The following YIPF5 variants were observed in gnomAD, a reference collection of about 807,000 sequenced individuals.
The protein encoded by YIPF5 is Yip1 domain family member 5, also known as protein YIPF5.
Under a neutral mutation model 30.4 loss-of-function variants are expected in YIPF5, and 8 were observed. That is an observed-to-expected ratio of 0.26 (90% CI 0.15 to 0.47). YIPF5 has a LOEUF of 0.47. Among genes scored for constraint, YIPF5 ranks in the 20% least tolerant of loss-of-function variants. The probability of loss-of-function intolerance (pLI) is 0.99; values close to 1 mark genes in which losing one functional copy is unlikely to be tolerated. For synonymous variants in YIPF5, 104 were observed against 107.9 expected, an observed-to-expected ratio of 0.96 and a Z score of 0.23; for missense variants, 282 against 301.8, an observed-to-expected ratio of 0.93 and a Z score of 0.49.
Position 144,158,706 on chromosome 5 carries a change from T to A in YIPF5, c.*1691A>T. ...TCAAATTACCTTCCAAATTGCTTTT[T>A]TAAAGCAATTTGGTAAGTTTGAAAA... is the stretch of plus-strand genomic sequence containing the variant. On this transcript the variant is annotated 3_prime_UTR_variant, in exon 6 of 6. Transcript: ENST00000274496. 2 of 1,017,176 alleles carry A rather than the reference T, an allele frequency of 2.0e-6. No individual in the cohort carries two copies. The highest frequency in any genetic ancestry group is 7.6e-5 in the South Asian group (2 of 26,292). The allele number at this position is 1,017,176 out of a possible 1,614,324, so 63.0% of individuals were successfully genotyped here.
In YIPF5 at chr5:144,162,370, G is replaced by A. The variant is rs149656651; in HGVS notation, c.459C>T (p.Tyr153=). 63 of 1,612,672 alleles carry A rather than the reference G, an allele frequency of 3.9e-5. No homozygotes were observed. The highest frequency in any genetic ancestry group is 5.0e-5 in the Admixed American group (3 of 59,842). The change falls in exon 5 of 6, where the codon TAC becomes TAT. Residue 153 remains tyrosine, a synonymous_variant. Coordinates refer to ENST00000274496, the MANE Select transcript of YIPF5 (RefSeq NM_030799.9). ...CTAGACATCCAATTGCACTGATCCC[G>A]TATACATAGCCAAACTGGATTTTGC... ...LAGKIQFGYV[Y]GISAIGCLGM...
intron 5 of YIPF5, among the ~76,000 whole-genome samples, chr5:144,161,516 T>C (rs1156896528): frequency 6.6e-6 from 1 of 151,988 alleles, no homozygotes; most frequent in African/African-American, 2.4e-5. Context: ...CCGGCTAATT[T>C]TGTATTTTTA....
In YIPF5 at chr5:144,159,818, T is replaced by A; in HGVS notation, c.*579A>T. 5.4e-6 allele frequency: 3 copies of A among 554,352 alleles called. No homozygotes were observed. Among genetic ancestry groups the A allele is most frequent in the African/African-American group, 2.1e-5 (1 of 47,308 alleles). 34.3% of individuals were successfully genotyped at this position (554,352 alleles called of 1,614,324 possible). On this transcript the variant is annotated 3_prime_UTR_variant, in exon 6 of 6. Transcript: ENST00000274496. ...CCGCCTCCTGGGTTCACACTTCTCC[T>A]GCCTCAGCCTCCTGAGTAGCTGGGA...
In YIPF5 at chr5:144,164,207, T is replaced by C; in HGVS notation, c.333A>G (p.Leu111=). 1 of 1,613,186 alleles carries C rather than the reference T, an allele frequency of 6.2e-7. No homozygotes were observed. Among genetic ancestry groups the C allele is most frequent in the Non-Finnish European group, 8.5e-7 (1 of 1,179,540 alleles). Residue 111 remains leucine, a synonymous_variant, in exon 4 of 6, where the codon TTA becomes TTG. Transcript: ENST00000274496. ...DHIWQKTLTV[L]HPLKVADGSI... is the part of the protein sequence containing the mutation. ...TGCCATCTGCTACTTTTAACGGATG[T>C]AATACTGTTAGTGTTTTTTGCCAGA...
At chr5:144,165,841 C>A (rs1355190121) in intron 2 of YIPF5, among the ~76,000 whole-genome samples, 1 of 152,066 alleles carries the variant, frequency 6.6e-6, no homozygotes, top group African/African-American at 2.4e-5. Context: ...TACCAATATT[C>A]ACTTACATAG....
chr5:144,161,038 T>G (rs545147075), intron 5 of YIPF5, among the ~76,000 whole-genome samples: 22 of 152,336 alleles, frequency 1.4e-4, no homozygotes, highest in African/African-American at 5.1e-4. Context: ...AAAATTCAAA[T>G]ATGAATATAT....
chr5:144,162,884 G>T (rs1425564210), intron 4 of YIPF5, among the ~76,000 whole-genome samples: 1 of 152,136 alleles, frequency 6.6e-6, no homozygotes, highest in Non-Finnish European at 1.5e-5. Flanking sequence ...CTTTATATGG[G>T]TGCTAGAGGA....
chr5:144,161,889 G>A (rs1580754637), intron 5 of YIPF5, among the ~76,000 whole-genome samples: 1 of 152,194 alleles, frequency 6.6e-6, no homozygotes, highest in Admixed American at 6.5e-5. Context: ...ATCAAAGAGG[G>A]TAAGCATAAT....
At chr5:144,160,593 A>G in intron 5 of YIPF5, 34 bp from the exon 6 acceptor site, 1 of 1,560,330 alleles carries the variant, frequency 6.4e-7, no homozygotes, top group Non-Finnish European at 8.7e-7. Flanking sequence ...GGGAGAAGAA[A>G]AAAAAGCAGA....
At position 144,169,907 on chromosome 5, in the gene YIPF5, T is replaced by A. The variant is rs1024120727; in HGVS notation, c.49A>T (p.Ser17Cys). ...LNTDFYQTSY[S>C]IDDQSQQSYD... ...GACTGCTGTGACTGATCATCGATGCTGTAACTTGTCTGGTAGAAATCCGTG... is the reference window on the plus strand; with the variant it reads ...GACTGCTGTGACTGATCATCGATGCAGTAACTTGTCTGGTAGAAATCCGTG... Residue 17 changes from serine to cysteine, a missense_variant, in exon 2 of 6, where the codon AGC becomes TGC. Coordinates refer to ENST00000274496, the MANE Select transcript of YIPF5 (RefSeq NM_030799.9). 6.2e-7 allele frequency: 1 copy of A among 1,614,246 alleles called. No individual in the cohort carries two copies. The highest frequency in any genetic ancestry group is 8.5e-7 in the Non-Finnish European group (1 of 1,180,048).
At chr5:144,163,632 A>G (rs1301447253) in intron 4 of YIPF5, among the ~76,000 whole-genome samples, 1 of 152,172 alleles carries the variant, frequency 6.6e-6, no homozygotes, top group Non-Finnish European at 1.5e-5. Flanking sequence ...TATCTTTACA[A>G]CTTTTCTGTT....
chr5:144,170,634 T>A lies in YIPF5; in HGVS notation c.-110A>T, dbSNP rs1186032777. ...ACCCTGAACCAGCCCCGTTGCTACG[T>A]GTCACAGGGCCAAAGAACGGCTTCC... On this transcript the variant is annotated 5_prime_UTR_variant, in exon 1 of 6. Transcript: ENST00000274496. The A allele has an allele frequency of 6.6e-6, 1 of 152,356 alleles. No homozygotes were observed. Among genetic ancestry groups the A allele is most frequent in the Non-Finnish European group, 1.5e-5 (1 of 68,154 alleles). 9.4% of individuals were successfully genotyped at this position (152,356 alleles called of 1,614,324 possible). A position where few individuals can be genotyped will look rare whatever the true frequency, so the allele number is the denominator to read the frequency against.
Position 144,160,528 on chromosome 5 carries a change from TC to T in YIPF5, c.642del (p.Ile215LeufsTer17). ...GCAGAAAAACTACACCATCCAATAA[TC>T]CCAGCAGTGAGAATGATTCCTACCA... ...QGMVGIILTA[G>X]IIGWCSFSAS... is the part of the protein sequence containing the mutation. On this transcript the variant is annotated frameshift_variant, in exon 6 of 6. Coordinates refer to ENST00000274496, the MANE Select transcript of YIPF5 (RefSeq NM_030799.9). LOFTEE classifies it high-confidence loss of function. The T allele has an allele frequency of 1.2e-6, 2 of 1,613,536 alleles. No individual in the cohort carries two copies. Among genetic ancestry groups the T allele is most frequent in the Non-Finnish European group, 1.7e-6 (2 of 1,179,896 alleles).
intron 5 of YIPF5, among the ~76,000 whole-genome samples, chr5:144,160,833 C>T (rs1752017742): frequency 1.3e-5 from 2 of 152,082 alleles, no homozygotes; most frequent in Admixed American, 1.3e-4. Context: ...CTTGGCACTA[C>T]TGACATTTGG....
chr5:144,160,375 T>A lies in YIPF5; in HGVS notation c.*22A>T. ...CCTTTTTGTACATCTGGCCCACTGA[T>A]GTCCACATCCCAGATAAATTTTCAA... On this transcript the variant is annotated 3_prime_UTR_variant, in exon 6 of 6. Transcript: ENST00000274496. 6.2e-7 allele frequency: 1 copy of A among 1,605,060 alleles called. No homozygotes were observed. Among genetic ancestry groups the A allele is most frequent in the Non-Finnish European group, 8.5e-7 (1 of 1,173,966 alleles).
chr5:144,160,311 G>A lies in YIPF5; in HGVS notation c.*86C>T, dbSNP rs1368986407. Reference sequence around the variant, plus strand: ...AAATGTAAATCTGCATGAGAGTTGCGCTGCAGCAGTTTGCTGGTCCAATTT... The same window carrying A: ...AAATGTAAATCTGCATGAGAGTTGCACTGCAGCAGTTTGCTGGTCCAATTT... On this transcript the variant is annotated 3_prime_UTR_variant, in exon 6 of 6. Coordinates refer to ENST00000274496, the MANE Select transcript of YIPF5 (RefSeq NM_030799.9). 8 of 1,529,970 alleles carry A rather than the reference G, an allele frequency of 5.2e-6. No individual in the cohort carries two copies. Among genetic ancestry groups the A allele is most frequent in the East Asian group, 2.3e-5 (1 of 43,972 alleles). The allele number at this position is 1,529,970 out of a possible 1,614,324, so 94.8% of individuals were successfully genotyped here.
chr5:144,162,681 T>C (rs1160902283), intron 4 of YIPF5, among the ~76,000 whole-genome samples: 1 of 152,150 alleles, frequency 6.6e-6, no homozygotes, highest in East Asian at 1.9e-4. Flanking sequence ...TCACCCAAAA[T>C]AGTAAGATTT....
chr5:144,169,902 G>A lies in YIPF5; in HGVS notation c.54C>T (p.Ile18=), dbSNP rs1752319800. 1 of 1,614,182 alleles carries A rather than the reference G, an allele frequency of 6.2e-7. No homozygotes were observed. Among genetic ancestry groups the A allele is most frequent in the Non-Finnish European group, 8.5e-7 (1 of 1,180,034 alleles). The change falls in exon 2 of 6, where the codon ATC becomes ATT. Residue 18 remains isoleucine, a synonymous_variant. Transcript: ENST00000274496. ...NTDFYQTSYS[I]DDQSQQSYDY... ...CATAGGACTGCTGTGACTGATCATC[G>A]ATGCTGTAACTTGTCTGGTAGAAAT...
At position 144,158,706 on chromosome 5, in the gene YIPF5, T is replaced by C; in HGVS notation, c.*1691A>G. 4.9e-6 allele frequency: 5 copies of C among 1,017,176 alleles called. No homozygotes were observed. The highest frequency in any genetic ancestry group is 5.9e-6 in the Non-Finnish European group (5 of 851,122). 63.0% of individuals were successfully genotyped at this position (1,017,176 alleles called of 1,614,324 possible). On this transcript the variant is annotated 3_prime_UTR_variant, in exon 6 of 6. Transcript: ENST00000274496. ...TCAAATTACCTTCCAAATTGCTTTTTTAAAGCAATTTGGTAAGTTTGAAAA... is the reference window on the plus strand; with the variant it reads ...TCAAATTACCTTCCAAATTGCTTTTCTAAAGCAATTTGGTAAGTTTGAAAA...
Sources: allele counts gnomAD v4.1 joint callset (sites outside exome capture counted in the v4.1 genomes callset), GRCh38; gene constraint gnomAD v4.1.1; transcripts MANE v1.5; gene names NCBI Gene and HGNC (gene_info 2026-07-23, HGNC 2026-07-21).